The following ST7 variants were observed in gnomAD, a reference collection of about 807,000 sequenced individuals.
ST7 encodes suppression of tumorigenicity 7.
In ST7, 28 loss-of-function variants were observed where a neutral mutation model predicts 78.7. The observed-to-expected ratio is 0.36, with a 90% confidence interval of 0.26 to 0.49. The LOEUF is 0.49. ST7 is among the 20% of genes least tolerant of loss of function. The probability of loss-of-function intolerance (pLI) is 0.99; values close to 1 mark genes in which losing one functional copy is unlikely to be tolerated. For synonymous variants in ST7, 247 were observed against 249.6 expected (o/e 0.99, Z 0.10); for missense variants, 418 against 696.0 (o/e 0.60, Z 4.49).
chr7:116,981,998 G>A (rs1001321620), intron 1 of ST7, among the ~76,000 whole-genome samples: 4 of 151,988 alleles, frequency 2.6e-5, no homozygotes, highest in African/African-American at 9.7e-5. Flanking sequence ...AATCTTGGCA[G>A]TAGGTTACAA....
chr7:117,212,921 A>G (rs1031776515), intron 13 of ST7, among the ~76,000 whole-genome samples: 4 of 152,184 alleles, frequency 2.6e-5, no homozygotes, highest in Admixed American at 1.3e-4. Flanking sequence ...TTCTGGATCT[A>G]TGTTCATTAT....
chr7:116,954,993 C>T (rs746727566), intron 1 of ST7: 18 of 368,380 alleles, frequency 4.9e-5, no homozygotes, highest in Non-Finnish European at 7.2e-5. Flanking sequence ...GGATCGTGTC[C>T]CTGGGAGGCG....
chr7:117,206,762 A>C (rs1439718658), intron 12 of ST7, among the ~76,000 whole-genome samples: 1 of 152,204 alleles, frequency 6.6e-6, no homozygotes, highest in Admixed American at 6.5e-5. Flanking sequence ...TACTACCCTG[A>C]TGATTCCTGT....
chr7:117,021,883 A>G (rs1413988125), intron 1 of ST7, among the ~76,000 whole-genome samples: 2 of 152,202 alleles, frequency 1.3e-5, no homozygotes, highest in Non-Finnish European at 2.9e-5. Context: ...TTGGTTATCT[A>G]AGAAATAGAA....
intron 1 of ST7, among the ~76,000 whole-genome samples, chr7:117,086,010 C>T (rs1156560896): frequency 6.6e-6 from 1 of 152,018 alleles, no homozygotes. Flanking sequence ...AAACTTCCCT[C>T]CTCTCCCCTC....
At position 116,992,002 on chromosome 7, in the gene ST7, G is replaced by A. The variant is rs1038927173; in HGVS notation, c.151+38311G>A. On this transcript the variant is annotated intron_variant, in intron 1 of 15. Transcript: ENST00000323984. Reference sequence around the variant, plus strand: ...CCTTTGACTCCAGGTCTCACATCCCGGTCACACTGATGCAAGAGGTGGGTT... The same window carrying A: ...CCTTTGACTCCAGGTCTCACATCCCAGTCACACTGATGCAAGAGGTGGGTT... Among the ~76,000 whole-genome samples, 22 of 152,070 alleles carry A rather than the reference G, an allele frequency of 1.4e-4. 1 individual carries two copies. The highest frequency in any genetic ancestry group is 7.9e-4 in the Admixed American group (12 of 15,270).
chr7:117,013,782 G>A (rs1015557481), intron 1 of ST7, among the ~76,000 whole-genome samples: 7 of 152,242 alleles, frequency 4.6e-5, no homozygotes, highest in African/African-American at 1.2e-4. Context: ...GCAGTGAGGC[G>A]AGATCACGCC....
intron 9 of ST7, among the ~76,000 whole-genome samples, chr7:117,156,731 G>A (rs2117188391): frequency 6.6e-6 from 1 of 152,198 alleles, no homozygotes; most frequent in South Asian, 2.1e-4. Flanking sequence ...TAACATGGGG[G>A]CTTAAAGAAA....
At chr7:116,972,534 A>G in intron 1 of ST7, 3 of 1,180,726 alleles carry the variant, frequency 2.5e-6, no homozygotes, top group East Asian at 2.3e-5. Flanking sequence ...CTACCTCTTC[A>G]TATTTCCTAT....
At chr7:116,963,225 T>C (rs973714981) in intron 1 of ST7, among the ~76,000 whole-genome samples, 1 of 152,242 alleles carries the variant, frequency 6.6e-6, no homozygotes, top group African/African-American at 2.4e-5. Context: ...AAATGTGGAA[T>C]AATATCTCTC....
chr7:116,957,841 C>A (rs1332636431), intron 1 of ST7, among the ~76,000 whole-genome samples: 1 of 152,224 alleles, frequency 6.6e-6, no homozygotes, highest in Non-Finnish European at 1.5e-5. Context: ...CTAAAACGGG[C>A]AACTTTGCTG....
chr7:116,960,455 C>T (rs1005035709), intron 1 of ST7, among the ~76,000 whole-genome samples: 1 of 152,186 alleles, frequency 6.6e-6, no homozygotes, highest in African/African-American at 2.4e-5. Context: ...TCCCAGAGTG[C>T]TGGAATTCTA....
chr7:117,210,460 C>T (rs945931892), intron 13 of ST7, among the ~76,000 whole-genome samples: 5 of 152,142 alleles, frequency 3.3e-5, no homozygotes, highest in East Asian at 1.9e-4. Context: ...CATGTATTAA[C>T]GGATAAATGC....
At chr7:117,144,561 A>G (rs1201250199) in intron 9 of ST7, among the ~76,000 whole-genome samples, 5 of 150,358 alleles carry the variant, frequency 3.3e-5, no homozygotes, top group African/African-American at 9.8e-5. Flanking sequence ...TGAGCCTGGT[A>G]GGTCAAGGCT....
At chr7:116,980,917 A>G (rs1793930572) in intron 1 of ST7, among the ~76,000 whole-genome samples, 2 of 152,210 alleles carry the variant, frequency 1.3e-5, no homozygotes. Context: ...CAATGGTTAC[A>G]ATATGCTTTA....
At chr7:117,000,629 C>T (rs1386106347) in intron 1 of ST7, among the ~76,000 whole-genome samples, 1 of 152,170 alleles carries the variant, frequency 6.6e-6, no homozygotes, top group Non-Finnish European at 1.5e-5. Flanking sequence ...AAAGTAATTG[C>T]ATTATTAGGA....
At chr7:117,218,333 C>G (rs1792849660) in intron 13 of ST7, among the ~76,000 whole-genome samples, 2 of 152,130 alleles carry the variant, frequency 1.3e-5, no homozygotes, top group Admixed American at 1.3e-4. Flanking sequence ...GACTAACATG[C>G]TGATGACATT....
chr7:117,127,326 G>A (rs753276701), intron 3 of ST7, among the ~76,000 whole-genome samples: 1 of 151,702 alleles, frequency 6.6e-6, no homozygotes, highest in Non-Finnish European at 1.5e-5. Flanking sequence ...CCATCACATA[G>A]CCTGATATTT....
intron 8 of ST7, 151 bp downstream of exon 8, chr7:117,136,386 A>T: frequency 1.2e-6 from 1 of 869,032 alleles, no homozygotes; most frequent in East Asian, 2.6e-5. Flanking sequence ...CTTCTTTCCT[A>T]TAAGTGCAGT....
Sources: gnomAD v4.1 joint callset for allele counts (sites outside exome capture counted in the v4.1 genomes callset) on GRCh38, gnomAD v4.1.1 for gene constraint, MANE v1.5 for transcripts, NCBI Gene and HGNC (gene_info 2026-07-23, HGNC 2026-07-21) for gene names.